The following ZNF608 variants were observed in gnomAD, a reference collection of about 807,000 sequenced individuals.
ZNF608 encodes the protein renal carcinoma antigen NY-REN-36.
Under a neutral mutation model 109.0 loss-of-function variants are expected in ZNF608, and 12 were observed. The ratio of observed to expected loss-of-function variants is 0.11; its 90% CI spans 0.07 to 0.18. ZNF608 has a LOEUF of 0.18. Ranked by LOEUF, ZNF608 falls within the 10% of genes least tolerant of loss-of-function variation. The pLI is 1.00. For missense variants in ZNF608, 1,707 were observed against 1,879.3 expected, an observed-to-expected ratio of 0.91 and a Z score of 1.70; for synonymous variants, 732 against 717.4, an observed-to-expected ratio of 1.02 and a Z score of -0.33.
chr5:124,742,337 G>T (rs1239970399), intron 2 of ZNF608, among the ~76,000 whole-genome samples: 1 of 152,154 alleles, frequency 6.6e-6, no homozygotes, highest in Non-Finnish European at 1.5e-5. Flanking sequence ...AGGCTAAGGG[G>T]AATGCAAAAG....
intron 2 of ZNF608, among the ~76,000 whole-genome samples, chr5:124,726,966 G>C: frequency 6.6e-6 from 1 of 152,178 alleles, no homozygotes; most frequent in East Asian, 1.9e-4. Flanking sequence ...TCTCAATTCA[G>C]CATCAGTTGC....
intron 3 of ZNF608, among the ~76,000 whole-genome samples, chr5:124,686,429 T>TCA (rs974858986): frequency 6.6e-6 from 1 of 152,218 alleles, no homozygotes. Flanking sequence ...AAAGTGACTC[T>TCA]CACACACTTG....
intron 3 of ZNF608, among the ~76,000 whole-genome samples, chr5:124,697,923 G>C (rs367620658): frequency 6.6e-6 from 1 of 152,006 alleles, no homozygotes; most frequent in African/African-American, 2.4e-5. Context: ...ACATATGAAC[G>C]CACGTAACAA....
chr5:124,712,745 A>G (rs73782041), intron 2 of ZNF608, among the ~76,000 whole-genome samples: 2,249 of 152,110 alleles, frequency 0.015, 70 homozygotes, highest in African/African-American at 0.052. Context: ...GCTTTTTAAA[A>G]CCTGTAGATT....
At chr5:124,675,646 T>A (rs1465603361) in intron 3 of ZNF608, among the ~76,000 whole-genome samples, 1 of 152,244 alleles carries the variant, frequency 6.6e-6, no homozygotes, top group Non-Finnish European at 1.5e-5. Flanking sequence ...CTCTTGTCCC[T>A]GTCAGGATTC....
At chr5:124,685,942 C>T (rs1339396950) in intron 3 of ZNF608, among the ~76,000 whole-genome samples, 1 of 152,214 alleles carries the variant, frequency 6.6e-6, no homozygotes, top group Non-Finnish European at 1.5e-5. Context: ...AACAGTCACA[C>T]TCAACATATG....
intron 3 of ZNF608, among the ~76,000 whole-genome samples, chr5:124,694,142 ATTTTTTTT>A (rs11320730): frequency 1.9e-4 from 12 of 63,938 alleles, no homozygotes; most frequent in Middle Eastern, 0.019. Flanking sequence ...CGCTCGGCTA[ATTTTTTTT>A]TTTTTTTTTT....
chr5:124,726,037 C>T (rs942712099), intron 2 of ZNF608, among the ~76,000 whole-genome samples: 10 of 152,184 alleles, frequency 6.6e-5, no homozygotes, highest in Admixed American at 1.3e-4. Context: ...CTACCCTTTA[C>T]CCCAGAAACG....
intron 3 of ZNF608, among the ~76,000 whole-genome samples, chr5:124,670,518 G>T (rs529259631): frequency 6.6e-6 from 1 of 152,138 alleles, no homozygotes; most frequent in South Asian, 2.1e-4. Context: ...AGCAAGGCTC[G>T]CTTCTTCCTT....
chr5:124,693,684 C>T (rs532269704), intron 3 of ZNF608, among the ~76,000 whole-genome samples: 1 of 152,272 alleles, frequency 6.6e-6, no homozygotes, highest in Non-Finnish European at 1.5e-5. Context: ...GCTTATTTTT[C>T]ACATTGACAA....
chr5:124,737,351 G>T (rs1043572131), intron 2 of ZNF608, among the ~76,000 whole-genome samples: 4 of 152,166 alleles, frequency 2.6e-5, no homozygotes, highest in African/African-American at 9.7e-5. Flanking sequence ...TCAGTAGTTG[G>T]GTTGGAATAG....
intron 2 of ZNF608, among the ~76,000 whole-genome samples, chr5:124,717,201 C>T (rs1490122970): frequency 6.6e-6 from 1 of 152,006 alleles, no homozygotes; most frequent in African/African-American, 2.4e-5. Flanking sequence ...AGCAATGGCT[C>T]ATGCCTGTAA....
rs1474530720 is a variant in ZNF608, at chr5:124,744,767, C to A, written c.223G>T (p.Ala75Ser). ...CGGPASSGAG[A>S]TAALADGLKF... ...AGGCCATCAGCTAAGGCTGCGGTAG[C>A]ACCAGCCCCACTGGAGGCCGGACCT... Residue 75 changes from alanine (A) to serine (S), a missense_variant, in exon 2 of 10, where the codon GCT (alanine) becomes TCT (serine). Ala to Ser is a moderately conservative substitution (Grantham distance 99). This residue lies in a region of ZNF608 where 407 missense variants were observed against 398.7 expected (regional missense o/e 1.02). Coordinates refer to ENST00000513986, the MANE Select transcript of ZNF608 (RefSeq NM_020747.3). The surrounding 1 kb of genome is among the most constrained non-coding windows in gnomAD (Gnocchi z 4.5). The A allele has an allele frequency of 3.1e-6, 5 of 1,614,110 alleles. No individual in the cohort carries two copies. The highest frequency in any genetic ancestry group is 4.2e-6 in the Non-Finnish European group (5 of 1,180,042).
chr5:124,655,204 C>CT (rs372515307), intron 3 of ZNF608, among the ~76,000 whole-genome samples: 123 of 152,318 alleles, frequency 8.1e-4, no homozygotes, highest in African/African-American at 2.6e-3. Flanking sequence ...TGTGGAGAGG[C>CT]TTTGCTCCCA....
intron 3 of ZNF608, 70 bp from the exon 4 acceptor site, chr5:124,649,767 A>C: frequency 9.9e-7 from 1 of 1,010,516 alleles, no homozygotes; most frequent in South Asian, 2.0e-5. Flanking sequence ...TTCACTTATT[A>C]TTTTTTTCTC....
At chr5:124,639,868 T>G (rs932166311) in intron 8 of ZNF608, among the ~76,000 whole-genome samples, 3 of 152,228 alleles carry the variant, frequency 2.0e-5, no homozygotes, top group African/African-American at 7.2e-5. Flanking sequence ...TCTAGGTCTT[T>G]TATTTGGATA....
chr5:124,687,709 C>A (rs1212164657), intron 3 of ZNF608, among the ~76,000 whole-genome samples: 5 of 152,150 alleles, frequency 3.3e-5, no homozygotes, highest in African/African-American at 1.2e-4. Context: ...GATATGACTT[C>A]TGTCATATTA....
rs1172097256 is a variant in ZNF608, at chr5:124,637,149, T to C, written c.*751A>G. ...GTAATAGAACAATCACAGATGTCTC[T>C]GGTACGCAGGCTATTGGGTTATTTG... On this transcript the variant is annotated 3_prime_UTR_variant, in exon 10 of 10. Transcript: ENST00000513986. 2 of 152,354 alleles carry C rather than the reference T, an allele frequency of 1.3e-5. No homozygotes were observed. Among genetic ancestry groups the C allele is most frequent in the Non-Finnish European group, 2.9e-5 (2 of 67,998 alleles). The allele number at this position is 152,354 out of a possible 1,614,324, so 9.4% of individuals were successfully genotyped here.
chr5:124,721,966 A>T (rs1753934845), intron 2 of ZNF608, among the ~76,000 whole-genome samples: 2 of 146,890 alleles, frequency 1.4e-5, no homozygotes, highest in South Asian at 4.3e-4. Flanking sequence ...AAAAAAAAAA[A>T]AAAAAAGAAC....
Sources: allele counts gnomAD v4.1 joint callset (sites outside exome capture counted in the v4.1 genomes callset), GRCh38; gene constraint gnomAD v4.1.1; regional missense constraint gnomAD v4.1.1; non-coding constraint Gnocchi (gnomAD v3.1); transcripts MANE v1.5; gene names NCBI Gene and HGNC (gene_info 2026-07-23, HGNC 2026-07-21).